The following VDAC1 variants were observed in gnomAD, a reference collection of about 807,000 sequenced individuals.
VDAC1 encodes the protein voltage dependent anion channel 1, also known as non-selective voltage-gated ion channel VDAC1.
Under a neutral mutation model 34.7 loss-of-function variants are expected in VDAC1, and 10 were observed. That is an observed-to-expected ratio of 0.29 (90% CI 0.18 to 0.49). VDAC1 has a LOEUF of 0.49. Among genes scored for constraint, VDAC1 ranks in the 20% least tolerant of loss-of-function variants. The probability of loss-of-function intolerance (pLI) is 0.99; values close to 1 mark genes in which losing one functional copy is unlikely to be tolerated. For missense variants in VDAC1, 230 were observed against 347.9 expected (o/e 0.66, Z 2.69); for synonymous variants, 130 against 136.0 (o/e 0.96, Z 0.30).
the VDAC1 span, among the ~76,000 whole-genome samples, chr5:134,101,775 G>T: frequency 6.6e-6 from 1 of 152,158 alleles, no homozygotes; most frequent in African/African-American, 2.4e-5. Context: ...TGGGGTCCTC[G>T]TCAGCTGTGT....
At chr5:134,033,390 T>G in the VDAC1 span, among the ~76,000 whole-genome samples, 1 of 151,292 alleles carries the variant, frequency 6.6e-6, no homozygotes, top group African/African-American at 2.4e-5. Flanking sequence ...TCTCCTAACC[T>G]CGTGATCCGC....
At chr5:134,065,752 A>G in the VDAC1 span, among the ~76,000 whole-genome samples, 1 of 150,496 alleles carries the variant, frequency 6.6e-6, no homozygotes, top group African/African-American at 2.5e-5. Context: ...TTCAGGGGTC[A>G]TCAAACTTAC....
intron 7 of VDAC1, among the ~76,000 whole-genome samples, chr5:133,974,459 C>T (rs567989999): frequency 5.9e-5 from 9 of 152,112 alleles, no homozygotes; most frequent in African/African-American, 1.2e-4. Flanking sequence ...AAAAGTGAGG[C>T]GGGGCGGGGG....
the VDAC1 span, among the ~76,000 whole-genome samples, chr5:134,092,601 A>C: frequency 4.4e-3 from 672 of 151,452 alleles, 4 homozygotes; most frequent in African/African-American, 0.016. Context: ...GCTTGAACCC[A>C]GGAGGCAGAG....
the VDAC1 span, among the ~76,000 whole-genome samples, chr5:134,030,403 GC>G: frequency 6.6e-6 from 1 of 151,980 alleles, no homozygotes. Context: ...TATGGCTAGT[GC>G]CCATCATGTT....
the VDAC1 span, among the ~76,000 whole-genome samples, chr5:134,093,265 G>T: frequency 6.6e-6 from 1 of 152,316 alleles, no homozygotes; most frequent in East Asian, 1.9e-4. Flanking sequence ...ACCACTGCCT[G>T]GCTTTTGAGT....
chr5:133,991,168 A>G lies in VDAC1; in HGVS notation c.118-14T>C, dbSNP rs766212922. 1.0e-5 allele frequency: 16 copies of G among 1,607,266 alleles called. No homozygotes were observed. The East Asian group carries it at 1.1e-4, about 11-fold the overall frequency. On this transcript the variant is annotated splice_polypyrimidine_tract_variant and intron_variant, in intron 3 of 8. Transcript: ENST00000265333. ...GCTTGTAAATTCCTTCAAAGGAGAGAGAAGAGTCACAGCCTGCACCATAGC... is the reference window on the plus strand; with the variant it reads ...GCTTGTAAATTCCTTCAAAGGAGAGGGAAGAGTCACAGCCTGCACCATAGC...
At chr5:134,092,340 A>T in the VDAC1 span, among the ~76,000 whole-genome samples, 1 of 152,228 alleles carries the variant, frequency 6.6e-6, no homozygotes. Flanking sequence ...CAAAAAAATT[A>T]TCAGCAAAAC....
chr5:134,049,968 C>T, the VDAC1 span, among the ~76,000 whole-genome samples: 4 of 152,288 alleles, frequency 2.6e-5, no homozygotes, highest in South Asian at 2.1e-4. Context: ...AATCCACCAC[C>T]GCCCAGGCGC....
At chr5:134,110,017 T>C in the VDAC1 span, among the ~76,000 whole-genome samples, 121,597 of 152,114 alleles carry the variant, frequency 0.8, 48,944 homozygotes, top group Non-Finnish European at 0.86. Context: ...GACTCTAGAC[T>C]CCTTCCTGGG....
upstream of VDAC1, among the ~76,000 whole-genome samples, chr5:134,007,161 T>A (rs911048251): frequency 6.6e-6 from 1 of 151,856 alleles, no homozygotes; most frequent in African/African-American, 2.4e-5. Flanking sequence ...GGAGAATTGC[T>A]TGAACCCAGG....
the VDAC1 span, among the ~76,000 whole-genome samples, chr5:134,028,529 G>T: frequency 2.0e-5 from 3 of 152,346 alleles, no homozygotes; most frequent in East Asian, 5.8e-4. Flanking sequence ...TCATTGCACT[G>T]AGGATTTTCT....
the VDAC1 span, among the ~76,000 whole-genome samples, chr5:134,083,180 CTTTTT>C: frequency 0.012 from 1,693 of 141,174 alleles, 30 homozygotes; most frequent in African/African-American, 0.043. Flanking sequence ...TTTTCTTTTT[CTTTTT>C]TTTTCTTTTT....
the VDAC1 span, among the ~76,000 whole-genome samples, chr5:134,018,147 C>T: frequency 1.3e-5 from 2 of 152,218 alleles, no homozygotes; most frequent in Non-Finnish European, 2.9e-5. Context: ...CGGGCATCTG[C>T]TCGGCTTCTG....
At chr5:134,069,203 TCAA>T in the VDAC1 span, among the ~76,000 whole-genome samples, 1 of 152,070 alleles carries the variant, frequency 6.6e-6, no homozygotes, top group South Asian at 2.1e-4. Flanking sequence ...AACAAAAACT[TCAA>T]AGGATCACCA....
At chr5:134,031,749 C>A in the VDAC1 span, among the ~76,000 whole-genome samples, 15 of 151,780 alleles carry the variant, frequency 9.9e-5, no homozygotes, top group Admixed American at 7.2e-4. Flanking sequence ...TCAGGAGTTT[C>A]AGACCAGCCT....
intron 1 of VDAC1, among the ~76,000 whole-genome samples, chr5:134,000,576 T>C (rs1753509633): frequency 6.6e-6 from 1 of 152,160 alleles, no homozygotes; most frequent in South Asian, 2.1e-4. Flanking sequence ...AGACAGACAG[T>C]GCTTGGGCAG....
chr5:133,976,068 C>T (rs369850704), intron 6 of VDAC1, 47 bp from the exon 7 acceptor site: 60 of 1,612,208 alleles, frequency 3.7e-5, no homozygotes, highest in Non-Finnish European at 4.2e-5. Context: ...GGGAGGTGAG[C>T]TGCAGCCCAG....
At chr5:133,988,699 G>A (rs971667608) in intron 5 of VDAC1, 1 of 151,874 alleles carries the variant, frequency 6.6e-6, no homozygotes, top group African/African-American at 2.4e-5. Flanking sequence ...GGGAGGAGGA[G>A]GTTGCAGTGA....
Sources: allele counts gnomAD v4.1 joint callset (sites outside exome capture counted in the v4.1 genomes callset), GRCh38; gene constraint gnomAD v4.1.1; transcripts MANE v1.5; gene names NCBI Gene and HGNC (gene_info 2026-07-23, HGNC 2026-07-21).